CDKL2: variants seen among roughly 807,000 people sequenced by gnomAD.
CDKL2 encodes the protein cyclin dependent kinase like 2.
Under a neutral mutation model 63.9 loss-of-function variants are expected in CDKL2, and 64 were observed. The observed-to-expected ratio is 1.00, with a 90% CI of 0.82 to 1.23. The LOEUF is 1.23. Ranked by LOEUF, CDKL2 falls within the 50% of genes most tolerant of loss-of-function variation. The pLI, the probability that CDKL2 is intolerant of heterozygous loss-of-function variation, is 0.00. For synonymous variants in CDKL2, 211 were observed against 229.2 expected (o/e 0.92, Z 0.72); for missense variants, 656 against 668.0 (o/e 0.98, Z 0.20).
At chr4:75,598,576 A>T (rs1729040692) in intron 7 of CDKL2, among the ~76,000 whole-genome samples, 1 of 144,090 alleles carries the variant, frequency 6.9e-6, no homozygotes, top group Non-Finnish European at 1.5e-5. Context: ...ACACATTCTC[A>T]GTTGCTTTTT....
intron 12 of CDKL2, among the ~76,000 whole-genome samples, chr4:75,584,804 T>A (rs1431960935): frequency 1.3e-5 from 2 of 152,332 alleles, no homozygotes; most frequent in East Asian, 3.9e-4. Context: ...CATCAGGCTA[T>A]TCAAAATGGT....
At chr4:75,607,058 T>C (rs1467475080) in intron 4 of CDKL2, 125 bp downstream of exon 4, 2 of 693,604 alleles carry the variant, frequency 2.9e-6, no homozygotes, top group South Asian at 6.0e-5. Context: ...ATTTACTTTA[T>C]ATAGTCCCTG....
intron 9 of CDKL2, among the ~76,000 whole-genome samples, chr4:75,596,583 G>A (rs1310910943): frequency 6.6e-6 from 1 of 152,164 alleles, no homozygotes; most frequent in Non-Finnish European, 1.5e-5. Context: ...ATTCCCAAAT[G>A]GAGCTTCCTT....
intron 10 of CDKL2, among the ~76,000 whole-genome samples, chr4:75,594,293 C>CA (rs1198275557): frequency 3.3e-5 from 5 of 151,756 alleles, no homozygotes; most frequent in Non-Finnish European, 7.4e-5. Context: ...ACTAAAAATA[C>CA]AAAAATTAGC....
chr4:75,621,578 G>A (rs1486027554), intron 2 of CDKL2, among the ~76,000 whole-genome samples: 4 of 151,708 alleles, frequency 2.6e-5, no homozygotes, highest in Admixed American at 2.6e-4. Flanking sequence ...AGGCTGGAGT[G>A]CAGTGGCTAT....
chr4:75,600,201 G>A lies in CDKL2; in HGVS notation c.884+80C>T. ...GCAAAGTAGGTGGGAACAGAAATAA[G>A]AGAAGTGCTATTTGTGACTATTGTG... On this transcript the variant is annotated intron_variant, in intron 7 of 13. Coordinates refer to ENST00000307465, the MANE Select transcript of CDKL2 (RefSeq NM_001330724.2). 4.6e-6 allele frequency: 4 copies of A among 869,950 alleles called. No individual in the cohort carries two copies. The South Asian group carries it at 4.6e-5, about 10-fold the overall frequency. 53.9% of individuals were successfully genotyped at this position (869,950 alleles called of 1,614,324 possible).
intron 3 of CDKL2, 148 bp downstream of exon 3, chr4:75,614,105 ACT>A (rs1446641081): frequency 1.9e-6 from 1 of 527,176 alleles, no homozygotes; most frequent in Non-Finnish European, 3.3e-6. Flanking sequence ...CAAATATTTA[ACT>A]CCAATTAATA....
At position 75,605,508 on chromosome 4, in the gene CDKL2, A is replaced by G; in HGVS notation, c.655+14T>C. On this transcript the variant is annotated intron_variant, in intron 5 of 13. Transcript: ENST00000307465. Reference sequence around the variant, plus strand: ...AAAATCTCTAAAATTTAAAATGCAGATGTGTAACCTTACCTAAACACATCA... The same window carrying G: ...AAAATCTCTAAAATTTAAAATGCAGGTGTGTAACCTTACCTAAACACATCA... The G allele has an allele frequency of 7.0e-7, 1 of 1,425,802 alleles. No homozygotes were observed. The highest frequency in any genetic ancestry group is 1.2e-5 in the South Asian group (1 of 83,560). The allele number at this position is 1,425,802 out of a possible 1,614,324, so 88.3% of individuals were successfully genotyped here. A position where few individuals can be genotyped will look rare whatever the true frequency, so the allele number is the denominator to read the frequency against.
Position 75,614,442 on chromosome 4 carries a change from C to T in CDKL2, c.176G>A (p.Arg59Lys), listed in dbSNP as rs1232677347. Reference protein sequence around the residue: ...MREIKLLKQLRHENLVNLLEV... With the variant: ...MREIKLLKQLKHENLVNLLEV... ...CAAGAGATTCACCAAGTTTTCATGC[C>T]TAAGTTGCTGTTATTAAAAAATGCA... The change falls in exon 3 of 14, where the codon AGG (arginine) becomes AAG (lysine). Residue 59 changes from arginine (R) to lysine (K), a missense_variant. Arg to Lys is a conservative substitution (Grantham distance 26, BLOSUM62 2). Coordinates refer to ENST00000307465, the MANE Select transcript of CDKL2 (RefSeq NM_001330724.2). 1 of 1,545,470 alleles carries T rather than the reference C, an allele frequency of 6.5e-7. No individual in the cohort carries two copies. Among genetic ancestry groups the T allele is most frequent in the Non-Finnish European group, 8.8e-7 (1 of 1,141,648 alleles).
intron 6 of CDKL2, 103 bp downstream of exon 6, chr4:75,603,712 CAA>C (rs35686740): frequency 0.052 from 17,692 of 338,802 alleles, 1 homozygote; most frequent in Middle Eastern, 0.071. Context: ...AAGACTCCAT[CAA>C]AAAAAAAAAA....
intron 13 of CDKL2, among the ~76,000 whole-genome samples, 170 bp downstream of exon 13, chr4:75,581,640 G>A (rs1232753762): frequency 1.3e-5 from 2 of 152,234 alleles, no homozygotes; most frequent in African/African-American, 2.4e-5. Flanking sequence ...TTTCATCTCA[G>A]AGATAAATAC....
intron 3 of CDKL2, among the ~76,000 whole-genome samples, chr4:75,612,429 T>C (rs548200075): frequency 1.3e-5 from 2 of 152,264 alleles, no homozygotes; most frequent in Admixed American, 1.3e-4. Flanking sequence ...ACAGAAGCAA[T>C]GTAGGCAGGA....
At chr4:75,593,296 T>C (rs1304947877) in intron 10 of CDKL2, among the ~76,000 whole-genome samples, 1 of 151,566 alleles carries the variant, frequency 6.6e-6, no homozygotes, top group African/African-American at 2.4e-5. Flanking sequence ...GATTAACATA[T>C]TCAAAGAGTG....
At chr4:75,584,163 G>T (rs1009488616) in intron 12 of CDKL2, among the ~76,000 whole-genome samples, 1 of 152,130 alleles carries the variant, frequency 6.6e-6, no homozygotes, top group African/African-American at 2.4e-5. Flanking sequence ...TATCTTCGTG[G>T]GCCGAGTGTA....
Position 75,596,999 on chromosome 4 carries a change from AAAGATTGTGTGT to A in CDKL2, c.1246_1257del (p.Thr416_Leu419del). ...GAATTAATGCTGGGAGCAACTGCAG[AAAGATTGTGTGT>A]AAGTGGGGGAATTGCCACGCTTGGA... On this transcript the variant is annotated inframe_deletion, in exon 9 of 14. Transcript: ENST00000307465. The A allele has an allele frequency of 6.2e-7, 1 of 1,614,220 alleles. No individual in the cohort carries two copies. The highest frequency in any genetic ancestry group is 8.5e-7 in the Non-Finnish European group (1 of 1,180,030).
In CDKL2 at chr4:75,592,172, G is replaced by A. The variant is rs1015365481; in HGVS notation, c.1514C>T (p.Pro505Leu). 7 of 1,535,078 alleles carry A rather than the reference G, an allele frequency of 4.6e-6. No individual in the cohort carries two copies. The highest frequency in any genetic ancestry group is 6.1e-6 in the Non-Finnish European group (7 of 1,146,546). Reference protein sequence around the residue: ...RLPELNYNHLPELRALGGIAR... With the variant: ...RLPELNYNHLLELRALGGIAR... ...TATGCCTCCCAGTGCTCTTAGTTCA[G>A]GGAGATGATTATAGTTTAGTTCAGG... Residue 505 changes from proline to leucine, a missense_variant, in exon 11 of 14, where the codon CCT (proline) becomes CTT (leucine). Pro to Leu is a moderately conservative substitution (Grantham distance 98). Coordinates refer to ENST00000307465, the MANE Select transcript of CDKL2 (RefSeq NM_001330724.2).
intron 3 of CDKL2, among the ~76,000 whole-genome samples, chr4:75,610,574 G>A (rs1479478060): frequency 2.6e-5 from 4 of 151,774 alleles, no homozygotes; most frequent in East Asian, 1.9e-4. Context: ...AAAAAAAGTC[G>A]TTTAGGGTTC....
chr4:75,594,665 A>C (rs956328066), intron 10 of CDKL2, among the ~76,000 whole-genome samples: 1 of 152,194 alleles, frequency 6.6e-6, no homozygotes, highest in African/African-American at 2.4e-5. Flanking sequence ...ATGAGTTACA[A>C]GACTTCACAG....
chr4:75,620,310 G>A (rs1454322418), intron 2 of CDKL2, among the ~76,000 whole-genome samples: 12 of 151,918 alleles, frequency 7.9e-5, no homozygotes, highest in Admixed American at 7.2e-4. Flanking sequence ...AGAACATATC[G>A]GCGATTGAAA....
Sources: allele counts gnomAD v4.1 joint callset (sites outside exome capture counted in the v4.1 genomes callset), GRCh38; gene constraint gnomAD v4.1.1; transcripts MANE v1.5; gene names NCBI Gene and HGNC (gene_info 2026-07-23, HGNC 2026-07-21).